WDR75: variants seen among roughly 807,000 people sequenced by gnomAD.
WDR75 encodes WD repeat domain 75, also known as WD repeat-containing protein 75.
Under a neutral mutation model 106.1 loss-of-function variants are expected in WDR75, and 52 were observed. The ratio of observed to expected loss-of-function variants is 0.49; its 90% CI spans 0.39 to 0.62. The LOEUF is 0.62. WDR75 is among the 20% of genes least tolerant of loss of function. WDR75 has a pLI of 0.00. For missense variants in WDR75, 905 were observed against 970.3 expected (o/e 0.93, Z 0.89); for synonymous variants, 333 against 335.5 (o/e 0.99, Z 0.08).
At chr2:189,464,052 G>A in intron 11 of WDR75, 91 bp downstream of exon 11, 1 of 1,044,036 alleles carries the variant, frequency 9.6e-7, no homozygotes, top group Non-Finnish European at 1.4e-6. Flanking sequence ...TTTAAAACAA[G>A]ATCCTGTGCA....
intron 5 of WDR75, 60 bp from the exon 6 acceptor site, chr2:189,457,251 A>AT: frequency 8.4e-7 from 1 of 1,189,352 alleles, no homozygotes; most frequent in Non-Finnish European, 1.2e-6. Context: ...CAAAAAAAAA[A>AT]GAAAAAAAAA....
At chr2:189,448,882 T>G (rs369396361) in intron 2 of WDR75, 1 of 472,582 alleles carries the variant, frequency 2.1e-6, no homozygotes. Context: ...TGTGAACCAT[T>G]TGGTGTCTGG....
At chr2:189,473,995 T>A (rs980598691) in intron 18 of WDR75, among the ~76,000 whole-genome samples, 191 bp from the exon 19 acceptor site, 1 of 152,214 alleles carries the variant, frequency 6.6e-6, no homozygotes, top group Non-Finnish European at 1.5e-5. Context: ...TGTTCACTGT[T>A]AGCTCTTCTC....
At position 189,466,588 on chromosome 2, in the gene WDR75, T is replaced by C; in HGVS notation, c.1447+6T>C. 3 of 1,597,618 alleles carry C rather than the reference T, an allele frequency of 1.9e-6. No individual in the cohort carries two copies. Among genetic ancestry groups the C allele is most frequent in the Non-Finnish European group, 2.6e-6 (3 of 1,172,490 alleles). On this transcript the variant is annotated splice_donor_region_variant and intron_variant, in intron 13 of 20. Coordinates refer to ENST00000314761, the MANE Select transcript of WDR75 (RefSeq NM_032168.3). ...AGATGACTCTGACATATACAGTAAG[T>C]TATTAAATATGTTATGTTTAAAGTG...
At chr2:189,464,857 A>G (rs1480407641) in intron 11 of WDR75, among the ~76,000 whole-genome samples, 1 of 152,112 alleles carries the variant, frequency 6.6e-6, no homozygotes, top group African/African-American at 2.4e-5. Context: ...ATTGAAGAAT[A>G]ATTACCACCA....
At chr2:189,441,859 A>G (rs894357965) in intron 1 of WDR75, among the ~76,000 whole-genome samples, 1 of 152,118 alleles carries the variant, frequency 6.6e-6, no homozygotes, top group Admixed American at 6.5e-5. Flanking sequence ...GGGCGGCTGG[A>G]AAATGGTCCA....
chr2:189,455,457 T>G lies in WDR75; in HGVS notation c.498+13T>G. Reference sequence around the variant, plus strand: ...CTTTGGAAACGAGGTAAATTTTGTTTTGTTCGTTTTCTGTTTTGTACCTAA... The same window carrying G: ...CTTTGGAAACGAGGTAAATTTTGTTGTGTTCGTTTTCTGTTTTGTACCTAA... On this transcript the variant is annotated intron_variant, in intron 5 of 20. Coordinates refer to ENST00000314761, the MANE Select transcript of WDR75 (RefSeq NM_032168.3). 2 of 1,602,906 alleles carry G rather than the reference T, an allele frequency of 1.2e-6. No homozygotes were observed. The highest frequency in any genetic ancestry group is 8.5e-7 in the Non-Finnish European group (1 of 1,175,840).
intron 4 of WDR75, among the ~76,000 whole-genome samples, chr2:189,453,995 G>A (rs1219883284): frequency 6.6e-6 from 1 of 152,176 alleles, no homozygotes. Flanking sequence ...CACCCACCGT[G>A]TGCTAAATAC....
chr2:189,474,906 T>C (rs72916214), intron 20 of WDR75, 98 bp downstream of exon 20: 79,526 of 975,796 alleles, frequency 0.081, 3,897 homozygotes, highest in Middle Eastern at 0.12. Context: ...TGTATTTCTT[T>C]TTATTTCATA....
intron 8 of WDR75, among the ~76,000 whole-genome samples, chr2:189,462,230 G>GTTTGTCCAGCTT (rs1686904592): frequency 6.6e-6 from 1 of 151,806 alleles, no homozygotes; most frequent in South Asian, 2.1e-4. Flanking sequence ...AAGGATATTT[G>GTTTGTCCAGCTT]TTTGTCCAGC....
chr2:189,466,646 A>C, intron 13 of WDR75, 64 bp downstream of exon 13: 1 of 1,497,906 alleles, frequency 6.7e-7, no homozygotes, highest in Non-Finnish European at 9.0e-7. Context: ...TCTTTTTCTC[A>C]TGACTTGTAT....
chr2:189,455,864 C>T lies in WDR75; in HGVS notation c.498+420C>T, dbSNP rs770291632. On this transcript the variant is annotated intron_variant, in intron 5 of 20. Coordinates refer to ENST00000314761, the MANE Select transcript of WDR75 (RefSeq NM_032168.3). The stretch of plus-strand genomic sequence containing the variant: ...TTAACATTCATAAAATAACTTTTCC[C>T]GAAAAGAATTAAGATCAGAAGTCTT... Among the ~76,000 whole-genome samples, 7 of 152,172 alleles carry T rather than the reference C, an allele frequency of 4.6e-5. No homozygotes were observed. The East Asian group carries it at 7.7e-4, about 17-fold the overall frequency.
chr2:189,468,211 A>G (rs1687044490), intron 14 of WDR75, among the ~76,000 whole-genome samples: 1 of 152,070 alleles, frequency 6.6e-6, no homozygotes, highest in South Asian at 2.1e-4. Context: ...TTTCATGTAC[A>G]TTTTCTCTGT....
intron 7 of WDR75, 65 bp from the exon 8 acceptor site, chr2:189,459,271 G>A (rs1686811384): frequency 8.7e-7 from 1 of 1,151,368 alleles, no homozygotes; most frequent in Non-Finnish European, 1.3e-6. Flanking sequence ...TATTGTATTT[G>A]GCATGCCATT....
At chr2:189,473,107 A>C (rs1163751630) in intron 18 of WDR75, among the ~76,000 whole-genome samples, 2 of 151,776 alleles carry the variant, frequency 1.3e-5, no homozygotes, top group Non-Finnish European at 2.9e-5. Flanking sequence ...AATCCCACCT[A>C]CTCGGGGGCT....
At chr2:189,471,764 C>G (rs1204337463) in intron 18 of WDR75, among the ~76,000 whole-genome samples, 1 of 152,166 alleles carries the variant, frequency 6.6e-6, no homozygotes, top group African/African-American at 2.4e-5. Flanking sequence ...GACCTCTACT[C>G]TATTAGTGGT....
At chr2:189,450,196 GA>G (rs1201211401) in intron 2 of WDR75, 1 of 984,846 alleles carries the variant, frequency 1.0e-6, no homozygotes, top group Admixed American at 6.1e-5. Context: ...GTCCTTGATG[GA>G]TTGGAAGAAA....
intron 18 of WDR75, among the ~76,000 whole-genome samples, chr2:189,473,416 T>C (rs898038608): frequency 9.2e-5 from 14 of 152,156 alleles, no homozygotes; most frequent in Admixed American, 9.2e-4. Flanking sequence ...CAAGGTTAGC[T>C]GTATCTTTAG....
chr2:189,465,390 T>C, intron 12 of WDR75, 136 bp downstream of exon 12: 1 of 896,844 alleles, frequency 1.1e-6, no homozygotes, highest in Non-Finnish European at 1.6e-6. Context: ...TTTATTCTAA[T>C]AAAACCTTTA....
Sources: gnomAD v4.1 joint callset for allele counts (sites outside exome capture counted in the v4.1 genomes callset) on GRCh38, gnomAD v4.1.1 for gene constraint, MANE v1.5 for transcripts, NCBI Gene and HGNC (gene_info 2026-07-23, HGNC 2026-07-21) for gene names.